The following EXOC6B variants were observed in gnomAD, a reference collection of about 807,000 sequenced individuals.
EXOC6B encodes SEC15 homolog B.
In EXOC6B, 54 loss-of-function variants were observed where a neutral mutation model predicts 113.5. The ratio of observed to expected loss-of-function variants is 0.48; its 90% CI spans 0.38 to 0.60. The LOEUF (loss-of-function observed/expected upper bound fraction) is 0.60, where lower values mean the gene tolerates loss of function less well. Among genes scored for constraint, EXOC6B ranks in the 20% least tolerant of loss-of-function variants. The pLI is 0.00. For missense variants in EXOC6B, 797 were observed against 977.5 expected, an observed-to-expected ratio of 0.82 and a Z score of 2.46; for synonymous variants, 357 against 339.0, an observed-to-expected ratio of 1.05 and a Z score of -0.58.
intron 18 of EXOC6B, among the ~76,000 whole-genome samples, chr2:72,401,494 C>CATAT (rs1170388566): frequency 2.3e-4 from 14 of 59,614 alleles, no homozygotes; most frequent in East Asian, 4.3e-4. Flanking sequence ...ATTTTATATA[C>CATAT]ATATATATAT....
intron 1 of EXOC6B, among the ~76,000 whole-genome samples, chr2:72,790,464 G>C (rs1348106760): frequency 1.3e-5 from 2 of 152,040 alleles, no homozygotes; most frequent in Admixed American, 6.6e-5. Context: ...ATTAAAATAA[G>C]GTAAAGATGG....
intron 20 of EXOC6B, among the ~76,000 whole-genome samples, chr2:72,206,728 G>A (rs1488952780): frequency 3.9e-5 from 6 of 152,074 alleles, no homozygotes; most frequent in Non-Finnish European, 5.9e-5. Context: ...TATTAAATAA[G>A]GATACACTTT....
chr2:72,484,151 T>G (rs1699279054), intron 16 of EXOC6B, among the ~76,000 whole-genome samples: 1 of 152,022 alleles, frequency 6.6e-6, no homozygotes, highest in Admixed American at 6.6e-5. Flanking sequence ...TCTTTTTTTT[T>G]TTTTTCAATT....
intron 3 of EXOC6B, 25 bp downstream of exon 3, chr2:72,733,046 T>A: frequency 6.5e-7 from 1 of 1,531,294 alleles, no homozygotes; most frequent in Non-Finnish European, 8.9e-7. Flanking sequence ...AGAAAAGATT[T>A]CTTCAAAAGG....
chr2:72,238,448 A>G (rs769475118), intron 20 of EXOC6B, among the ~76,000 whole-genome samples: 2 of 152,220 alleles, frequency 1.3e-5, no homozygotes, highest in Middle Eastern at 3.4e-3. Flanking sequence ...TATATGGTTA[A>G]CTCCCTGTTT....
intron 20 of EXOC6B, among the ~76,000 whole-genome samples, chr2:72,224,529 C>G (rs1681078269): frequency 6.6e-6 from 1 of 152,136 alleles, no homozygotes; most frequent in South Asian, 2.1e-4. Flanking sequence ...GGTACAAGTA[C>G]TCTTTCATTG....
chr2:72,784,925 G>T (rs545250416), intron 1 of EXOC6B, among the ~76,000 whole-genome samples: 1 of 152,254 alleles, frequency 6.6e-6, no homozygotes, highest in African/African-American at 2.4e-5. Context: ...TCTGAGACAA[G>T]GCAACACCCT....
chr2:72,302,323 CG>C (rs1046145719), intron 20 of EXOC6B, among the ~76,000 whole-genome samples: 1 of 151,976 alleles, frequency 6.6e-6, no homozygotes, highest in African/African-American at 2.4e-5. Context: ...CTGTTGTTTT[CG>C]GGGGGAGAAT....
At chr2:72,810,417 C>T (rs917107880) in intron 1 of EXOC6B, among the ~76,000 whole-genome samples, 8 of 151,034 alleles carry the variant, frequency 5.3e-5, no homozygotes, top group Non-Finnish European at 7.4e-5. Flanking sequence ...AATGAAAATA[C>T]ATCATATCAA....
At chr2:72,723,209 A>G (rs1424385887) in intron 5 of EXOC6B, among the ~76,000 whole-genome samples, 2 of 152,216 alleles carry the variant, frequency 1.3e-5, no homozygotes, top group Admixed American at 6.5e-5. Context: ...ACTGAATCAA[A>G]AGGCAAATTC....
At chr2:72,309,869 T>C (rs2104785627) in intron 20 of EXOC6B, among the ~76,000 whole-genome samples, 1 of 152,300 alleles carries the variant, frequency 6.6e-6, no homozygotes, top group East Asian at 1.9e-4. Flanking sequence ...GATTTGCCTA[T>C]TCTGAATATT....
chr2:72,190,454 G>A (rs770803844), intron 20 of EXOC6B, among the ~76,000 whole-genome samples: 36 of 152,002 alleles, frequency 2.4e-4, no homozygotes, highest in Middle Eastern at 3.2e-3. Flanking sequence ...TAATTTTGGG[G>A]TATGTGAAAC....
At chr2:72,190,902 T>C (rs1455698984) in intron 20 of EXOC6B, among the ~76,000 whole-genome samples, 1 of 152,182 alleles carries the variant, frequency 6.6e-6, no homozygotes, top group Non-Finnish European at 1.5e-5. Flanking sequence ...CTTGGTAGAA[T>C]AGGAGAGTGT....
chr2:72,689,987 G>A (rs988471092), intron 6 of EXOC6B, among the ~76,000 whole-genome samples: 1 of 152,202 alleles, frequency 6.6e-6, no homozygotes, highest in African/African-American at 2.4e-5. Flanking sequence ...TCAAAACCCA[G>A]AAATTAAACT....
intron 6 of EXOC6B, among the ~76,000 whole-genome samples, chr2:72,665,796 A>G (rs909935330): frequency 3.3e-5 from 5 of 152,220 alleles, no homozygotes; most frequent in Non-Finnish European, 2.9e-5. Context: ...AATCAAATCT[A>G]TGAAACAACC....
At chr2:72,507,177 T>C (rs1285017409) in intron 11 of EXOC6B, among the ~76,000 whole-genome samples, 1 of 152,134 alleles carries the variant, frequency 6.6e-6, no homozygotes, top group African/African-American at 2.4e-5. Context: ...ACACATTTGA[T>C]AAATAATGTA....
chr2:72,787,826 T>A (rs1201538865), intron 1 of EXOC6B, among the ~76,000 whole-genome samples: 5 of 152,030 alleles, frequency 3.3e-5, no homozygotes, highest in Admixed American at 2.0e-4. Flanking sequence ...CTTGTAGAGA[T>A]GGGGTTTCAC....
At chr2:72,674,865 A>G (rs1338715956) in intron 6 of EXOC6B, among the ~76,000 whole-genome samples, 5 of 152,204 alleles carry the variant, frequency 3.3e-5, no homozygotes, top group African/African-American at 1.2e-4. Context: ...ACAGATAAAT[A>G]GTGATTATCT....
chr2:72,276,738 T>G (rs1411113495), intron 20 of EXOC6B, among the ~76,000 whole-genome samples: 1 of 152,188 alleles, frequency 6.6e-6, no homozygotes. Flanking sequence ...TAGTATTAAC[T>G]TGTTCATTTT....
Sources: allele counts gnomAD v4.1 joint callset (sites outside exome capture counted in the v4.1 genomes callset), GRCh38; gene constraint gnomAD v4.1.1; transcripts MANE v1.5; gene names NCBI Gene and HGNC (gene_info 2026-07-23, HGNC 2026-07-21).